FUT8: variants seen among roughly 807,000 people sequenced by gnomAD.
The protein encoded by FUT8 is alpha-(1,6)-fucosyltransferase.
FUT8 carries 29 observed loss-of-function variants against 71.3 expected under a neutral mutation model. That is an observed-to-expected ratio of 0.41 (90% CI 0.30 to 0.55). FUT8 has a LOEUF of 0.55. FUT8 is among the 20% of genes least tolerant of loss of function. The pLI is 0.34. For synonymous variants in FUT8, 254 were observed against 239.3 expected, an observed-to-expected ratio of 1.06 and a Z score of -0.57; for missense variants, 544 against 702.1, an observed-to-expected ratio of 0.77 and a Z score of 2.55.
At chr14:65,730,067 T>C (rs1314684964) in intron 9 of FUT8, among the ~76,000 whole-genome samples, 1 of 152,158 alleles carries the variant, frequency 6.6e-6, no homozygotes, top group Admixed American at 6.5e-5. Flanking sequence ...AAGCAAATCA[T>C]AAAAATCTCT....
chr14:65,397,064 C>A, the FUT8 span, among the ~76,000 whole-genome samples: 108 of 152,306 alleles, frequency 7.1e-4, no homozygotes, highest in African/African-American at 1.8e-3. The surrounding 1 kb of genome is among the most constrained non-coding windows in gnomAD (Gnocchi z 4.2). Context: ...TTGCTCTCCT[C>A]ATAGTGGATA....
At chr14:65,405,613 T>C (rs1213305203), upstream of FUT8, among the ~76,000 whole-genome samples, 1 of 152,118 alleles carries the variant, frequency 6.6e-6, no homozygotes, top group South Asian at 2.1e-4. Flanking sequence ...TTAGGCAAGA[T>C]GGAAACAATA....
chr14:65,411,336 A>G (rs1055594459), upstream of FUT8: 1 of 152,286 alleles, frequency 6.6e-6, no homozygotes, highest in Non-Finnish European at 1.5e-5. Flanking sequence ...AAAGTACAGC[A>G]CTTCATAGAG....
intron 2 of FUT8, among the ~76,000 whole-genome samples, chr14:65,514,341 G>A (rs1298520423): frequency 6.6e-6 from 1 of 152,206 alleles, no homozygotes; most frequent in African/African-American, 2.4e-5. Context: ...CCTCAAGGCA[G>A]GGTTGTCCCA....
intron 2 of FUT8, among the ~76,000 whole-genome samples, chr14:65,557,188 G>A (rs2411813): frequency 0.89 from 135,863 of 152,188 alleles, 60,701 homozygotes; most frequent in East Asian, 1. Context: ...AATCAAATAT[G>A]TTTATTGTTC....
intron 1 of FUT8, among the ~76,000 whole-genome samples, chr14:65,431,772 A>G (rs1183885141): frequency 2.6e-5 from 4 of 151,124 alleles, no homozygotes; most frequent in Non-Finnish European, 4.4e-5. Flanking sequence ...GGTGTCAGGG[A>G]TATGCAATAT....
intron 3 of FUT8, among the ~76,000 whole-genome samples, chr14:65,592,688 T>C (rs1887756136): frequency 6.6e-6 from 1 of 152,216 alleles, no homozygotes; most frequent in Non-Finnish European, 1.5e-5. Context: ...TTCATGCATA[T>C]TCAATCTCCT....
chr14:65,592,599 G>A, intron 3 of FUT8, among the ~76,000 whole-genome samples: 1 of 152,112 alleles, frequency 6.6e-6, no homozygotes, highest in East Asian at 1.9e-4. Context: ...TGAGTAAATA[G>A]CCTAGTTCTG....
intron 1 of FUT8, among the ~76,000 whole-genome samples, chr14:65,424,033 T>C (rs564757121): frequency 5.7e-4 from 87 of 152,342 alleles, no homozygotes; most frequent in Non-Finnish European, 1.2e-3. Context: ...TTTCTTGTAA[T>C]GCCATGATTT....
At chr14:65,676,412 C>G (rs1892720074) in intron 7 of FUT8, among the ~76,000 whole-genome samples, 4 of 152,192 alleles carry the variant, frequency 2.6e-5, no homozygotes, top group Admixed American at 2.6e-4. Flanking sequence ...GCCTTGATAA[C>G]TGTCTCAGAA....
At chr14:65,597,678 T>C (rs552413504) in intron 3 of FUT8, among the ~76,000 whole-genome samples, 1 of 151,408 alleles carries the variant, frequency 6.6e-6, no homozygotes, top group African/African-American at 2.4e-5. Context: ...CAGAATGGCT[T>C]GTCTTGGAGT....
intron 3 of FUT8, among the ~76,000 whole-genome samples, chr14:65,583,265 C>T (rs1448591224): frequency 6.6e-6 from 1 of 152,136 alleles, no homozygotes; most frequent in Non-Finnish European, 1.5e-5. Context: ...ACTGCAGCCT[C>T]AACCACCTGG....
In FUT8 at chr14:65,561,606, C is replaced by T. The variant is rs1279976699; in HGVS notation, c.43C>T (p.Leu15Phe). 6.2e-7 allele frequency: 1 copy of T among 1,613,540 alleles called. No homozygotes were observed. Among genetic ancestry groups the T allele is most frequent in the East Asian group, 2.2e-5 (1 of 44,870 alleles). Reference sequence around the variant, plus strand: ...TTCCTGGCGTTGGATTATGCTCATTCTTTTTGCCTGGGGGACCTTGCTGTT... The same window carrying T: ...TTCCTGGCGTTGGATTATGCTCATTTTTTTTGCCTGGGGGACCTTGCTGTT... Reference protein sequence around the residue: ...TGSWRWIMLILFAWGTLLFYI... With the variant: ...TGSWRWIMLIFFAWGTLLFYI... The change falls in exon 3 of 11, where the codon CTT (leucine) becomes TTT (phenylalanine). Residue 15 changes from leucine to phenylalanine, a missense_variant. Coordinates refer to ENST00000673929, the MANE Select transcript of FUT8 (RefSeq NM_001371533.1).
chr14:65,607,023 GGTT>G lies in FUT8; in HGVS notation c.204-8946_204-8944del, dbSNP rs543140723. ...TTAAAAAACACATTTAGTAATTTGT[GGTT>G]GTTGTTGTATAGAGACTTTAATTTC... On this transcript the variant is annotated intron_variant, in intron 3 of 10. Coordinates refer to ENST00000673929, the MANE Select transcript of FUT8 (RefSeq NM_001371533.1). The surrounding 1 kb of genome is among the most constrained non-coding windows in gnomAD (Gnocchi z 4.1). Among the ~76,000 whole-genome samples the G allele has an allele frequency of 3.5e-3, 532 of 151,864 alleles. 2 individuals are homozygous for G. The highest frequency in any genetic ancestry group is 0.012 in the African/African-American group (505 of 41,488).
intron 1 of FUT8, among the ~76,000 whole-genome samples, chr14:65,427,125 G>A (rs983713461): frequency 1.3e-5 from 2 of 152,122 alleles, no homozygotes; most frequent in African/African-American, 2.4e-5. Context: ...GCCTCCTGAA[G>A]TGCTGGGATT....
At chr14:65,600,477 C>T (rs931604540) in intron 3 of FUT8, among the ~76,000 whole-genome samples, 3 of 152,030 alleles carry the variant, frequency 2.0e-5, no homozygotes, top group Non-Finnish European at 4.4e-5. Context: ...GATAGAGTGA[C>T]AAATAAGCGC....
intron 2 of FUT8, among the ~76,000 whole-genome samples, chr14:65,496,328 C>CTG: frequency 6.6e-6 from 1 of 152,264 alleles, no homozygotes; most frequent in Middle Eastern, 3.4e-3. Context: ...AACCTCAACC[C>CTG]ATCATAGTCC....
chr14:65,402,484 C>T, the FUT8 span, among the ~76,000 whole-genome samples: 63 of 151,416 alleles, frequency 4.2e-4, no homozygotes, highest in East Asian at 0.011. Flanking sequence ...TTGGCTAACA[C>T]GGTGAAACCC....
At chr14:65,739,383 T>A (rs1233712999) in intron 10 of FUT8, among the ~76,000 whole-genome samples, 2 of 152,068 alleles carry the variant, frequency 1.3e-5, no homozygotes, top group Non-Finnish European at 2.9e-5. Context: ...TTCTTTGGTT[T>A]AAGAAAACAG....
Sources: gnomAD v4.1 joint callset for allele counts (sites outside exome capture counted in the v4.1 genomes callset) on GRCh38, gnomAD v4.1.1 for gene constraint, Gnocchi (gnomAD v3.1) non-coding constraint, MANE v1.5 for transcripts, NCBI Gene and HGNC (gene_info 2026-07-23, HGNC 2026-07-21) for gene names.